Variants in SERPINB12 observed in about 807,000 individuals in gnomAD.
SERPINB12 encodes serpin B12.
Under a neutral mutation model 41.1 loss-of-function variants are expected in SERPINB12, and 57 were observed. That is an observed-to-expected ratio of 1.39 (90% CI 1.12 to 1.73). The LOEUF (loss-of-function observed/expected upper bound fraction) is 1.73. Among genes scored for constraint, SERPINB12 ranks in the 40% most tolerant of loss-of-function variants. The probability of loss-of-function intolerance (pLI) is 0.00; values close to 1 mark genes in which losing one functional copy is unlikely to be tolerated. For synonymous variants in SERPINB12, 180 were observed against 181.3 expected (o/e 0.99, Z 0.06); for missense variants, 536 against 501.9 (o/e 1.07, Z -0.65).
At chr18:63,559,835 C>A (rs985398671) in intron 4 of SERPINB12, 117 bp downstream of exon 4, 4 of 1,033,560 alleles carry the variant, frequency 3.9e-6, no homozygotes, top group South Asian at 1.5e-5. Flanking sequence ...CAGGATGATG[C>A]GCTGTGGACT....
Position 63,556,163 on chromosome 18 carries a change from G to A in SERPINB12, c.4G>A (p.Asp2Asn). The A allele has an allele frequency of 6.2e-7, 1 of 1,612,190 alleles. No individual in the cohort carries two copies. The highest frequency in any genetic ancestry group is 1.1e-5 in the South Asian group (1 of 90,830). Residue 2 changes from aspartate (D) to asparagine (N), a missense_variant, in exon 2 of 8, where the codon GAC (aspartate) becomes AAC (asparagine). Asp to Asn is a conservative substitution (Grantham distance 23). Coordinates refer to ENST00000382768, the MANE Select transcript of SERPINB12 (RefSeq NM_001307928.2). ...TTAGATCGTTATAAGTTTTACAATG[G>A]ACTCTCTTGTTACAGCAAACACCAA... M[D>N]SLVTANTKFC... is the part of the protein sequence containing the mutation.
rs190407297 is a variant in SERPINB12 at position 63,549,204 on chromosome 18, T to C, written c.-19+6712T>C. The stretch of plus-strand genomic sequence containing the variant: ...ACGTACACACACATCAATGCAGTGA[T>C]TGAGAGATTGGAAAGCACACGGAAA... On this transcript the variant is annotated intron_variant, in intron 1 of 7. Coordinates refer to ENST00000382768, the MANE Select transcript of SERPINB12 (RefSeq NM_001307928.2). Among the ~76,000 whole-genome samples, 190 of 152,202 alleles carry C rather than the reference T, an allele frequency of 1.2e-3. 1 individual carries two copies. Among genetic ancestry groups the C allele is most frequent in the African/African-American group, 4.4e-3 (183 of 41,546 alleles).
At chr18:63,536,923 T>C in the SERPINB12 span, among the ~76,000 whole-genome samples, 7 of 152,090 alleles carry the variant, frequency 4.6e-5, no homozygotes, top group East Asian at 1.2e-3. Flanking sequence ...GAATATTGGC[T>C]GGGTATTTAG....
the SERPINB12 span, among the ~76,000 whole-genome samples, chr18:63,533,839 T>C: frequency 6.6e-6 from 1 of 152,178 alleles, no homozygotes; most frequent in Non-Finnish European, 1.5e-5. Flanking sequence ...GAAGGGGAGA[T>C]TTTTTTCCAT....
the SERPINB12 span, among the ~76,000 whole-genome samples, chr18:63,533,070 C>G: frequency 6.6e-6 from 1 of 152,058 alleles, no homozygotes; most frequent in African/African-American, 2.4e-5. Context: ...CTCCACCTCC[C>G]GGGTTCTAGG....
intron 2 of SERPINB12, 82 bp downstream of exon 2, chr18:63,556,409 G>A (rs1910681245): frequency 7.4e-7 from 1 of 1,359,248 alleles, no homozygotes. Flanking sequence ...ACTTAGGCAA[G>A]CCAAGGGGCT....
At chr18:63,523,027 A>T in the SERPINB12 span, among the ~76,000 whole-genome samples, 4 of 152,170 alleles carry the variant, frequency 2.6e-5, no homozygotes, top group East Asian at 7.7e-4. Context: ...AGCCTAATTT[A>T]GTTTAATATG....
At chr18:63,535,889 T>C in the SERPINB12 span, among the ~76,000 whole-genome samples, 4 of 152,088 alleles carry the variant, frequency 2.6e-5, no homozygotes, top group Non-Finnish European at 4.4e-5. Context: ...ATATATGTAT[T>C]CATGACTATT....
At chr18:63,542,981 T>C (rs568073603) in intron 1 of SERPINB12, among the ~76,000 whole-genome samples, 45 of 152,202 alleles carry the variant, frequency 3.0e-4, no homozygotes, top group Non-Finnish European at 5.3e-4. Context: ...CTTGTTCTTT[T>C]TAATGGCTGC....
At chr18:63,561,412 G>A (rs187755606) in intron 5 of SERPINB12, among the ~76,000 whole-genome samples, 16 of 152,304 alleles carry the variant, frequency 1.1e-4, no homozygotes, top group Non-Finnish European at 1.5e-5. Flanking sequence ...TTCTGTCAAG[G>A]CTTCAGATAA....
At chr18:63,522,479 G>A in the SERPINB12 span, among the ~76,000 whole-genome samples, 1 of 152,154 alleles carries the variant, frequency 6.6e-6, no homozygotes, top group South Asian at 2.1e-4. Context: ...ATGGTAAAGA[G>A]AAAATTTCTT....
intron 1 of SERPINB12, among the ~76,000 whole-genome samples, chr18:63,554,268 T>C (rs570663057): frequency 6.6e-6 from 1 of 152,344 alleles, no homozygotes; most frequent in Non-Finnish European, 1.5e-5. Flanking sequence ...TATTTGATTA[T>C]GCAGTTTTCT....
In SERPINB12 at chr18:63,556,286, C is replaced by T. The variant is rs199538877; in HGVS notation, c.127C>T (p.Arg43Cys). ...LSLSAALGMVRLGARSDSAHQ... is the reference protein window; with the variant it reads ...LSLSAALGMVCLGARSDSAHQ... ...CCTCTCAGCTGCCCTTGGTATGGTA[C>T]GCTTGGGTGCTAGAAGTGACAGTGC... is the stretch of plus-strand genomic sequence containing the variant. Residue 43 changes from arginine to cysteine, a missense_variant, in exon 2 of 8, where the codon CGC (arginine) becomes TGC (cysteine). By Grantham distance (180) the Arg-to-Cys change is radical (BLOSUM62 -3). Transcript: ENST00000382768. 8.2e-5 allele frequency: 132 copies of T among 1,614,028 alleles called. No homozygotes were observed. The African/African-American group carries it at 8.5e-4, about 10-fold the overall frequency.
At chr18:63,541,322 A>C (rs1910268856), upstream of SERPINB12, among the ~76,000 whole-genome samples, 1 of 152,084 alleles carries the variant, frequency 6.6e-6, no homozygotes, top group Non-Finnish European at 1.5e-5. Flanking sequence ...CTTCATTTTT[A>C]ATATAATTGC....
the SERPINB12 span, among the ~76,000 whole-genome samples, chr18:63,524,659 T>G: frequency 5.9e-5 from 9 of 152,146 alleles, no homozygotes; most frequent in Non-Finnish European, 1.0e-4. Flanking sequence ...ACAACATGCT[T>G]GGACCTTCAG....
At chr18:63,528,947 G>C in the SERPINB12 span, among the ~76,000 whole-genome samples, 1 of 152,148 alleles carries the variant, frequency 6.6e-6, no homozygotes, top group Non-Finnish European at 1.5e-5. Context: ...AAGAATCAGA[G>C]AGGAGATTCA....
chr18:63,530,043 ATTCTATTGCTGTGGTCACTGTCCCTG>A, the SERPINB12 span, among the ~76,000 whole-genome samples: 1 of 152,160 alleles, frequency 6.6e-6, no homozygotes, highest in Non-Finnish European at 1.5e-5. Flanking sequence ...AGGGGGTCTC[ATTCTATTGCTGTGGTCACTGTCCCTG>A]TTCAAACACA....
the SERPINB12 span, among the ~76,000 whole-genome samples, chr18:63,529,262 G>A: frequency 6.6e-6 from 1 of 152,160 alleles, no homozygotes; most frequent in Non-Finnish European, 1.5e-5. Flanking sequence ...CCTTGAATCC[G>A]TTATCTTTGG....
chr18:63,556,391 C>G, intron 2 of SERPINB12, 64 bp downstream of exon 2: 1 of 1,502,802 alleles, frequency 6.7e-7, no homozygotes. Flanking sequence ...AAGTCAGACC[C>G]TAATCCCACT....
Sources: gnomAD v4.1 joint callset for allele counts (sites outside exome capture counted in the v4.1 genomes callset) on GRCh38, gnomAD v4.1.1 for gene constraint, MANE v1.5 for transcripts, NCBI Gene and HGNC (gene_info 2026-07-23, HGNC 2026-07-21) for gene names.